Variants in KALRN observed in about 807,000 individuals in gnomAD.
The protein encoded by KALRN is kalirin.
Under a neutral mutation model 353.7 loss-of-function variants are expected in KALRN, and 70 were observed. The ratio of observed to expected loss-of-function variants is 0.20; its 90% CI spans 0.16 to 0.24. KALRN has a LOEUF of 0.24. KALRN is among the 10% of genes least tolerant of loss of function. The pLI is 1.00. For missense variants in KALRN, 2,791 were observed against 3,756.7 expected, an observed-to-expected ratio of 0.74 and a Z score of 6.72; for synonymous variants, 1,391 against 1,434.8, an observed-to-expected ratio of 0.97 and a Z score of 0.69.
Position 124,441,545 on chromosome 3 carries a change from C to T in KALRN, c.3199-400C>T, listed in dbSNP as rs146595605. On this transcript the variant is annotated intron_variant, in intron 18 of 59. Coordinates refer to ENST00000682506, the MANE Select transcript of KALRN (RefSeq NM_001388419.1). ...GCCTCCTAAAAAGTATAAGGAGGAG[C>T]CAGGTGCCATGGCTCATGCCTGTAA... Among the ~76,000 whole-genome samples, 5 of 152,304 alleles carry T rather than the reference C, an allele frequency of 3.3e-5. No individual in the cohort carries two copies. The East Asian group carries it at 9.6e-4, about 29-fold the overall frequency.
At chr3:124,657,330 C>G (rs141632491) in intron 39 of KALRN, 118 bp from the exon 40 acceptor site, 1 of 685,460 alleles carries the variant, frequency 1.5e-6, no homozygotes, top group Non-Finnish European at 2.6e-6. Flanking sequence ...ACCACAGAAG[C>G]ATTTGTCCGC....
At chr3:124,633,766 C>T (rs963983008) in intron 35 of KALRN, 86 bp from the exon 36 acceptor site, 68 of 1,105,858 alleles carry the variant, frequency 6.1e-5, no homozygotes, top group Non-Finnish European at 9.0e-5. Flanking sequence ...AACTCTCCTC[C>T]TATGTATTAT....
chr3:124,720,640 T>C lies in KALRN; in HGVS notation c.*1170T>C, dbSNP rs2063336291. ...ATCACCCTAACAGAGCATTAAGTTG[T>C]AACTGAGATTGCAATACCTGTCACC... On this transcript the variant is annotated 3_prime_UTR_variant, in exon 60 of 60. Coordinates refer to ENST00000682506, the MANE Select transcript of KALRN (RefSeq NM_001388419.1). 1 of 152,614 alleles carries C rather than the reference T, an allele frequency of 6.6e-6. No individual in the cohort carries two copies. The highest frequency in any genetic ancestry group is 1.5e-5 in the Non-Finnish European group (1 of 68,040). The allele number at this position is 152,614 out of a possible 1,614,324, so 9.5% of individuals were successfully genotyped here. A position where few individuals can be genotyped will look rare whatever the true frequency, so the allele number is the denominator to read the frequency against.
chr3:124,189,648 C>G (rs1374994651), intron 1 of KALRN, among the ~76,000 whole-genome samples: 10 of 151,900 alleles, frequency 6.6e-5, no homozygotes, highest in African/African-American at 2.2e-4. Context: ...ACTAATAATA[C>G]AAAATATTAG....
chr3:124,172,567 T>A (rs2072007877), intron 1 of KALRN, among the ~76,000 whole-genome samples: 1 of 152,158 alleles, frequency 6.6e-6, no homozygotes, highest in Non-Finnish European at 1.5e-5. Flanking sequence ...TTGAACCTAC[T>A]AAGCCTAGCT....
intron 1 of KALRN, among the ~76,000 whole-genome samples, chr3:124,049,420 A>G (rs902066324): frequency 1.1e-4 from 16 of 152,202 alleles, no homozygotes; most frequent in Non-Finnish European, 1.8e-4. Flanking sequence ...ATTCGAAGAA[A>G]GAGGTAAACA....
At chr3:124,466,237 C>G (rs1376991259) in intron 25 of KALRN, among the ~76,000 whole-genome samples, 1 of 152,160 alleles carries the variant, frequency 6.6e-6, no homozygotes, top group African/African-American at 2.4e-5. Flanking sequence ...AATGATACTT[C>G]GTTTTGCCCT....
intron 3 of KALRN, among the ~76,000 whole-genome samples, chr3:124,262,032 T>G (rs2072945532): frequency 6.6e-6 from 1 of 152,086 alleles, no homozygotes; most frequent in Non-Finnish European, 1.5e-5. Flanking sequence ...TATAATATAT[T>G]TTTTAATAAA....
chr3:124,478,111 G>A (rs961081038), intron 27 of KALRN, among the ~76,000 whole-genome samples: 3 of 152,190 alleles, frequency 2.0e-5, no homozygotes, highest in Non-Finnish European at 4.4e-5. Context: ...AAAATCAAAG[G>A]GGTCCCTGCA....
intron 51 of KALRN, among the ~76,000 whole-genome samples, chr3:124,688,768 C>A (rs2061675393): frequency 6.8e-6 from 1 of 146,428 alleles, no homozygotes. Flanking sequence ...ATTTCACCCT[C>A]ACTCTTAAGT....
intron 11 of KALRN, among the ~76,000 whole-genome samples, chr3:124,391,104 GAA>G (rs924855023): frequency 1.4e-4 from 22 of 152,190 alleles, no homozygotes; most frequent in African/African-American, 5.3e-4. Context: ...CTGTAAGAAA[GAA>G]TGCACAAAAC....
intron 1 of KALRN, among the ~76,000 whole-genome samples, chr3:124,137,818 C>A (rs1228373290): frequency 6.6e-6 from 1 of 152,084 alleles, no homozygotes; most frequent in Non-Finnish European, 1.5e-5. Flanking sequence ...GGGTCGGATG[C>A]AGGGAGATGG....
Position 124,155,283 on chromosome 3 carries a change from AT to A in KALRN, c.74-72699del, listed in dbSNP as rs1206297249. ...CCATGGTTCCAGCCAGAAAAAAGAG[AT>A]TTTTTTTCTCCTGTTTTGTCATCAG... On this transcript the variant is annotated intron_variant, in intron 1 of 59. Coordinates refer to ENST00000682506, the MANE Select transcript of KALRN (RefSeq NM_001388419.1). Among the ~76,000 whole-genome samples, 12 of 152,046 alleles carry A rather than the reference AT, an allele frequency of 7.9e-5. No individual in the cohort carries two copies. In the East Asian group the frequency reaches 9.6e-4, roughly 12 times the overall value.
At chr3:124,389,936 T>C (rs957953213) in intron 11 of KALRN, among the ~76,000 whole-genome samples, 2 of 152,234 alleles carry the variant, frequency 1.3e-5, no homozygotes, top group African/African-American at 4.8e-5. Context: ...TATTCATCCC[T>C]ACTTATAGAG....
rs1349691970 is a variant in KALRN, at chr3:124,401,361, C to T, written c.2346+2490C>T. Among the ~76,000 whole-genome samples the T allele has an allele frequency of 3.3e-5, 5 of 152,020 alleles. No individual in the cohort carries two copies. In the East Asian group the frequency reaches 7.8e-4, roughly 24 times the overall value. On this transcript the variant is annotated intron_variant, in intron 13 of 59. Coordinates refer to ENST00000682506, the MANE Select transcript of KALRN (RefSeq NM_001388419.1). The stretch of plus-strand genomic sequence containing the variant: ...CTCCACCAAAAATATAAACAAAAAC[C>T]GAGTGTGGTGGTGAGCACCCATGGT...
intron 1 of KALRN, chr3:124,094,951 A>G: frequency 2.6e-6 from 4 of 1,534,992 alleles, no homozygotes; most frequent in Non-Finnish European, 3.6e-6. Context: ...AGAGAGATAA[A>G]TACACATAGA....
At chr3:124,572,143 T>G (rs905576237) in intron 34 of KALRN, among the ~76,000 whole-genome samples, 13 of 150,538 alleles carry the variant, frequency 8.6e-5, no homozygotes, top group Non-Finnish European at 5.9e-5. Context: ...GGCAACATGG[T>G]GAAACCCCAT....
chr3:124,639,389 G>A (rs1039728416), intron 37 of KALRN, among the ~76,000 whole-genome samples: 4 of 152,082 alleles, frequency 2.6e-5, no homozygotes, highest in African/African-American at 7.2e-5. Context: ...TTTCATTTGC[G>A]TTTTACCTCC....
intron 1 of KALRN, among the ~76,000 whole-genome samples, chr3:124,051,872 T>G (rs1388953809): frequency 6.6e-6 from 1 of 152,012 alleles, no homozygotes; most frequent in Non-Finnish European, 1.5e-5. Context: ...GATGGTTGGG[T>G]TCAAGTGGAA....
Sources: allele counts gnomAD v4.1 joint callset (sites outside exome capture counted in the v4.1 genomes callset), GRCh38; gene constraint gnomAD v4.1.1; transcripts MANE v1.5; gene names NCBI Gene and HGNC (gene_info 2026-07-23, HGNC 2026-07-21).